The following ZBTB46 variants were observed in gnomAD, a reference collection of about 807,000 sequenced individuals.
ZBTB46 encodes zinc finger and BTB domain-containing protein 46.
ZBTB46 carries 8 observed loss-of-function variants against 44.1 expected under a neutral mutation model. The observed-to-expected ratio is 0.18, with a 90% confidence interval of 0.11 to 0.33. The LOEUF (loss-of-function observed/expected upper bound fraction) is 0.33. Ranked by LOEUF, ZBTB46 falls within the 10% of genes least tolerant of loss-of-function variation. The pLI is 1.00. For missense variants in ZBTB46, 651 were observed against 847.7 expected, an observed-to-expected ratio of 0.77 and a Z score of 2.88; for synonymous variants, 409 against 382.3, an observed-to-expected ratio of 1.07 and a Z score of -0.81.
chr20:63,788,102 C>T (rs1311644638), intron 2 of ZBTB46: 1 of 152,348 alleles, frequency 6.6e-6, no homozygotes, highest in Non-Finnish European at 1.5e-5. Flanking sequence ...CCTGCTAGGA[C>T]ACCTCCATTT....
In ZBTB46 at chr20:63,827,845, ATACT is replaced by A. The variant is rs372278772; in HGVS notation, c.-34+3248_-34+3251del. Among the ~76,000 whole-genome samples the A allele has an allele frequency of 2.9e-3, 442 of 152,350 alleles. 2 individuals carry two copies. Among genetic ancestry groups the A allele is most frequent in the African/African-American group, 0.01 (425 of 41,572 alleles). ...TTCAACAGAACACTTTGCATAAATC[ATACT>A]TAGGTCAAATTTCACTGGTTTCATT... is the stretch of plus-strand genomic sequence containing the variant. On this transcript the variant is annotated intron_variant, in intron 1 of 4. Coordinates refer to ENST00000245663, the MANE Select transcript of ZBTB46 (RefSeq NM_001369741.1).
intron 4 of ZBTB46, among the ~76,000 whole-genome samples, chr20:63,750,969 TCAAA>T (rs1477748687): frequency 6.6e-6 from 1 of 151,878 alleles, no homozygotes; most frequent in African/African-American, 2.4e-5. Context: ...ACACTGAACC[TCAAA>T]CAGGATCAAA....
intron 2 of ZBTB46, among the ~76,000 whole-genome samples, chr20:63,786,033 G>GC (rs2092511663): frequency 6.6e-6 from 1 of 152,178 alleles, no homozygotes; most frequent in African/African-American, 2.4e-5. Context: ...AAGGCCTCCA[G>GC]CACGGGCACC....
chr20:63,759,182 G>A (rs1370482993), intron 3 of ZBTB46, among the ~76,000 whole-genome samples: 1 of 151,934 alleles, frequency 6.6e-6, no homozygotes, highest in African/African-American at 2.4e-5. Context: ...TTATTCCTAG[G>A]CATTTGATGT....
intron 1 of ZBTB46, among the ~76,000 whole-genome samples, chr20:63,825,870 C>A (rs972152153): frequency 9.2e-5 from 14 of 152,226 alleles, no homozygotes; most frequent in Non-Finnish European, 1.5e-5. Flanking sequence ...GTTTTGCTCC[C>A]CATGCCCCAG....
At chr20:63,830,318 C>G (rs1320104841) in intron 1 of ZBTB46, among the ~76,000 whole-genome samples, 1 of 152,122 alleles carries the variant, frequency 6.6e-6, no homozygotes, top group Non-Finnish European at 1.5e-5. Flanking sequence ...CGCGCTCCCC[C>G]GCGAAACTGA....
chr20:63,805,630 C>T (rs565178348), intron 1 of ZBTB46, among the ~76,000 whole-genome samples: 43 of 152,284 alleles, frequency 2.8e-4, no homozygotes, highest in Admixed American at 6.5e-4. Flanking sequence ...CCTGAGACAC[C>T]CTGAGTTCCA....
intron 2 of ZBTB46, among the ~76,000 whole-genome samples, chr20:63,784,594 C>T (rs1235493772): frequency 6.6e-6 from 1 of 152,238 alleles, no homozygotes; most frequent in East Asian, 1.9e-4. Flanking sequence ...CCAGTCACCT[C>T]TCAGGTCCTT....
Position 63,767,117 on chromosome 20 carries a change from C to T in ZBTB46, c.1222+8561G>A, listed in dbSNP as rs994324681. Among the ~76,000 whole-genome samples the T allele has an allele frequency of 6.6e-6, 1 of 152,212 alleles. No individual in the cohort carries two copies. Among genetic ancestry groups the T allele is most frequent in the African/African-American group, 2.4e-5 (1 of 41,466 alleles). On this transcript the variant is annotated intron_variant, in intron 3 of 4. Transcript: ENST00000245663. This position sits in a 1 kb window ranked among gnomAD's most constrained non-coding sequence, Gnocchi z 5.0. ...CTCTTTCTGAAAAGCAGCACATTCC[C>T]GTAATTCCACGCCGACACGTGGAGC...
chr20:63,814,732 C>T (rs1484199711), intron 1 of ZBTB46, among the ~76,000 whole-genome samples: 1 of 152,222 alleles, frequency 6.6e-6, no homozygotes, highest in African/African-American at 2.4e-5. Flanking sequence ...ACTTAGAATG[C>T]TCGATACTCA....
Position 63,775,725 on chromosome 20 carries a change from C to T in ZBTB46, c.1175G>A (p.Gly392Asp), listed in dbSNP as rs1479098887. 4 of 1,607,940 alleles carry T rather than the reference C, an allele frequency of 2.5e-6. No individual in the cohort carries two copies. Among genetic ancestry groups the T allele is most frequent in the Admixed American group, 1.7e-5 (1 of 59,544 alleles). Residue 392 changes from glycine (G) to aspartate (D), a missense_variant, in exon 3 of 5, where the codon GGC becomes GAC. Physicochemically the swap from Gly to Asp is moderately conservative, Grantham distance 94. Coordinates refer to ENST00000245663, the MANE Select transcript of ZBTB46 (RefSeq NM_001369741.1). ...SLKADVLGDD[G>D]SLLFEYLPRG... Reference sequence around the variant, plus strand: ...GGGCAGGTACTCGAACAGCAGGGAGCCGTCATCCCCCAGCACGTCGGCCTT... The same window carrying T: ...GGGCAGGTACTCGAACAGCAGGGAGTCGTCATCCCCCAGCACGTCGGCCTT...
At chr20:63,796,056 T>C (rs1446621513) in intron 1 of ZBTB46, among the ~76,000 whole-genome samples, 1 of 152,224 alleles carries the variant, frequency 6.6e-6, no homozygotes, top group Non-Finnish European at 1.5e-5. Context: ...GATGCCTGTG[T>C]CGCAGGACGC....
chr20:63,817,320 C>T (rs1337342545), intron 1 of ZBTB46, among the ~76,000 whole-genome samples: 2 of 151,970 alleles, frequency 1.3e-5, no homozygotes, highest in African/African-American at 4.8e-5. Flanking sequence ...GCAAGAGGAT[C>T]CTTGAGTCTG....
chr20:63,784,985 G>C (rs1205675342), intron 2 of ZBTB46, among the ~76,000 whole-genome samples: 2 of 152,198 alleles, frequency 1.3e-5, no homozygotes, highest in African/African-American at 4.8e-5. Context: ...TGTCATCCCA[G>C]CACTTTGGGA....
intron 2 of ZBTB46, among the ~76,000 whole-genome samples, chr20:63,781,788 T>C (rs1481837858): frequency 4.0e-5 from 4 of 100,482 alleles, no homozygotes; most frequent in East Asian, 2.5e-4. Context: ...CGAGACTCTG[T>C]CAAAAAAAAA....
intron 2 of ZBTB46, among the ~76,000 whole-genome samples, chr20:63,781,685 G>A (rs1462212082): frequency 4.6e-5 from 7 of 151,786 alleles, no homozygotes; most frequent in South Asian, 2.1e-4. Context: ...CCAGGTACTC[G>A]GGAGGCTGAG....
intron 1 of ZBTB46, among the ~76,000 whole-genome samples, chr20:63,812,126 A>T (rs1485358598): frequency 6.6e-6 from 1 of 152,248 alleles, no homozygotes; most frequent in Non-Finnish European, 1.5e-5. Context: ...CTTTTCCTAC[A>T]TAAAAAAAAG....
chr20:63,781,246 G>A (rs916061114), intron 2 of ZBTB46, among the ~76,000 whole-genome samples: 5 of 151,654 alleles, frequency 3.3e-5, no homozygotes, highest in Admixed American at 6.6e-5. Flanking sequence ...GAACACCTAG[G>A]AACTCTCACC....
rs914633819 is a variant in ZBTB46 at position 63,744,477 on chromosome 20, C to T, written c.*2453G>A. The T allele has an allele frequency of 3.9e-5, 6 of 152,060 alleles. No homozygotes were observed. The highest frequency in any genetic ancestry group is 1.2e-4 in the African/African-American group (5 of 41,328). 9.4% of individuals were successfully genotyped at this position (152,060 alleles called of 1,614,324 possible). A position where few individuals can be genotyped will look rare whatever the true frequency, so the allele number is the denominator to read the frequency against. ...GGTGTTGTAAACACCAAAATACAAA[C>T]AGACACAAACAAAAATACAAAATGT... On this transcript the variant is annotated 3_prime_UTR_variant, in exon 5 of 5. Coordinates refer to ENST00000245663, the MANE Select transcript of ZBTB46 (RefSeq NM_001369741.1).
Sources: gnomAD v4.1 joint callset for allele counts (sites outside exome capture counted in the v4.1 genomes callset) on GRCh38, gnomAD v4.1.1 for gene constraint, Gnocchi (gnomAD v3.1) non-coding constraint, MANE v1.5 for transcripts, NCBI Gene and HGNC (gene_info 2026-07-23, HGNC 2026-07-21) for gene names.